SLC35A4: variants seen among roughly 807,000 people sequenced by gnomAD.
SLC35A4 encodes probable UDP-sugar transporter protein SLC35A4.
In SLC35A4, 9 loss-of-function variants were observed where a neutral mutation model predicts 18.8. That is an observed-to-expected ratio of 0.48 (90% CI 0.29 to 0.83). The LOEUF (loss-of-function observed/expected upper bound fraction) is 0.83. Among genes scored for constraint, SLC35A4 ranks in the 40% least tolerant of loss-of-function variants. SLC35A4 has a pLI of 0.09. For missense variants in SLC35A4, 404 were observed against 415.5 expected (o/e 0.97, Z 0.24); for synonymous variants, 189 against 191.9 (o/e 0.98, Z 0.13).
Position 140,567,363 on chromosome 5 carries a change from G to A in SLC35A4, c.194G>A (p.Cys65Tyr). The part of the protein sequence containing the change: ...LLTELTKLLL[C>Y]AFSLLVGWQA... ...ACTGAGCTGACCAAGCTACTGTTAT[G>A]CGCCTTCTCCCTTCTGGTAGGCTGG... The change falls in exon 3 of 3, where the codon TGC becomes TAC. Residue 65 changes from cysteine to tyrosine, a missense_variant. Coordinates refer to ENST00000323146, the MANE Select transcript of SLC35A4 (RefSeq NM_080670.4). The A allele has an allele frequency of 6.2e-7, 1 of 1,614,196 alleles. No homozygotes were observed. Among genetic ancestry groups the A allele is most frequent in the Non-Finnish European group, 8.5e-7 (1 of 1,180,010 alleles).
At chr5:140,565,006 G>A in intron 1 of SLC35A4, 148 bp downstream of exon 1, 1 of 399,040 alleles carries the variant, frequency 2.5e-6, no homozygotes, top group Non-Finnish European at 4.4e-6. Flanking sequence ...CCTCAACAGT[G>A]TGGAGTGGTG....
chr5:140,567,111 T>A lies in SLC35A4; in HGVS notation c.-59T>A. On this transcript the variant is annotated 5_prime_UTR_variant, in exon 3 of 3. Transcript: ENST00000323146. ...CTGGGAGCTGGCTCCATAACTTGAT[T>A]TTCCCCAAACGTGTTGCAATCCCTG... is the stretch of plus-strand genomic sequence containing the variant. 6.2e-7 allele frequency: 1 copy of A among 1,613,128 alleles called. No homozygotes were observed. Among genetic ancestry groups the A allele is most frequent in the Non-Finnish European group, 8.5e-7 (1 of 1,179,934 alleles).
At position 140,567,303 on chromosome 5, in the gene SLC35A4, G is replaced by A. The variant is rs61745336; in HGVS notation, c.134G>A (p.Arg45Gln). Residue 45 changes from arginine to glutamine, a missense_variant, in exon 3 of 3, where the codon CGA (arginine) becomes CAA (glutamine). Physicochemically the swap from Arg to Gln is conservative, Grantham distance 43. Transcript: ENST00000323146. ...CTGGCACTGTGCCATGTGGACGGCC[G>A]AGTGCCCTTCCGGCCCTCCTCAGCC... is the stretch of plus-strand genomic sequence containing the variant. ...PLLALCHVDG[R>Q]VPFRPSSAVL... 11,382 of 1,614,140 alleles carry A rather than the reference G, an allele frequency of 7.1e-3. 640 individuals carry two copies. The African/African-American group carries it at 0.12, about 18-fold the overall frequency.
rs1243178490 is a variant in SLC35A4 at position 140,567,054 on chromosome 5, T to G, written c.-116T>G. ...GGTAGATGCCTCTGATCCTCAGTAT[T>G]CTCTCTGGCAATGTTCCACGGCTTC... On this transcript the variant is annotated 5_prime_UTR_variant, in exon 3 of 3. The change creates a new upstream start codon in the 5' untranslated region. Coordinates refer to ENST00000323146, the MANE Select transcript of SLC35A4 (RefSeq NM_080670.4). 1.3e-6 allele frequency: 2 copies of G among 1,519,412 alleles called. No individual in the cohort carries two copies. The highest frequency in any genetic ancestry group is 1.8e-6 in the Non-Finnish European group (2 of 1,104,926). 94.1% of individuals were successfully genotyped at this position (1,519,412 alleles called of 1,614,324 possible).
intron 2 of SLC35A4, among the ~76,000 whole-genome samples, 166 bp downstream of exon 2, chr5:140,566,137 G>T (rs1245427831): frequency 6.6e-6 from 1 of 152,212 alleles, no homozygotes; most frequent in East Asian, 1.9e-4. Flanking sequence ...AATATCTTAA[G>T]TAGTGGTTAA....
Position 140,568,162 on chromosome 5 carries a change from C to G in SLC35A4, c.*18C>G, listed in dbSNP as rs201868697. 2 of 1,613,728 alleles carry G rather than the reference C, an allele frequency of 1.2e-6. No individual in the cohort carries two copies. On this transcript the variant is annotated 3_prime_UTR_variant, in exon 3 of 3. Transcript: ENST00000323146. The stretch of plus-strand genomic sequence containing the variant: ...GCCGCTAGTCCCTGACAACTTCCAC[C>G]CTGATTCCGGACCCTGTAGATTGGG...
Position 140,567,715 on chromosome 5 carries a change from G to C in SLC35A4, c.546G>C (p.Leu182=). 6.2e-7 allele frequency: 1 copy of C among 1,614,126 alleles called. No homozygotes were observed. The highest frequency in any genetic ancestry group is 8.5e-7 in the Non-Finnish European group (1 of 1,180,048). The change falls in exon 3 of 3, where the codon CTG becomes CTC. Residue 182 remains leucine (L), a synonymous_variant. Transcript: ENST00000323146. ...PPAAAASPMP[L]HITPLGLLLL... ...CAGCTGCTGCCAGCCCCATGCCCCT[G>C]CATATCACTCCGCTAGGCCTGCTGC...
chr5:140,566,662 G>T lies in SLC35A4; in HGVS notation c.-508G>T. The T allele has an allele frequency of 2.0e-6, 1 of 491,244 alleles. No individual in the cohort carries two copies. The highest frequency in any genetic ancestry group is 3.6e-6 in the Non-Finnish European group (1 of 279,364). The allele number at this position is 491,244 out of a possible 1,614,324, so 30.4% of individuals were successfully genotyped here. On this transcript the variant is annotated 5_prime_UTR_variant, in exon 3 of 3. Coordinates refer to ENST00000323146, the MANE Select transcript of SLC35A4 (RefSeq NM_080670.4). ...TCAGCAGTATTGGGCTTTGCTGTGG[G>T]CACCTGCACTGGCATCTATGCGGCT...
chr5:140,567,503 C>T lies in SLC35A4; in HGVS notation c.334C>T (p.Pro112Ser). 20 of 1,614,190 alleles carry T rather than the reference C, an allele frequency of 1.2e-5. No homozygotes were observed. Among genetic ancestry groups the T allele is most frequent in the Non-Finnish European group, 1.6e-5 (19 of 1,180,044 alleles). Reference sequence around the variant, plus strand: ...GATCTATCTTCAGCGTTACATGGACCCCAGCACCTACCAGGTGCTGAGTAA... The same window carrying T: ...GATCTATCTTCAGCGTTACATGGACTCCAGCACCTACCAGGTGCTGAGTAA... ...LVIYLQRYMDPSTYQVLSNLK... is the reference protein window; with the variant it reads ...LVIYLQRYMDSSTYQVLSNLK... Residue 112 changes from proline (P) to serine (S), a missense_variant, in exon 3 of 3, where the codon CCC (proline) becomes TCC (serine). Physicochemically the swap from Pro to Ser is moderately conservative, Grantham distance 74. Coordinates refer to ENST00000323146, the MANE Select transcript of SLC35A4 (RefSeq NM_080670.4).
Position 140,567,242 on chromosome 5 carries a change from C to T in SLC35A4, c.73C>T (p.Leu25=). The change falls in exon 3 of 3, where the codon CTA becomes TTA. Residue 25 remains leucine, a synonymous_variant. Transcript: ENST00000323146. Reference sequence around the variant, plus strand: ...GGCCCGCTGGACCCTGATGCTACTCCTATCCACTGCCATGTACGGTGCCCA... The same window carrying T: ...GGCCCGCTGGACCCTGATGCTACTCTTATCCACTGCCATGTACGGTGCCCA... The part of the protein sequence containing the change: ...RQARWTLMLL[L]STAMYGAHAP... 1 of 1,614,238 alleles carries T rather than the reference C, an allele frequency of 6.2e-7. No individual in the cohort carries two copies. The highest frequency in any genetic ancestry group is 8.5e-7 in the Non-Finnish European group (1 of 1,180,034).
In SLC35A4 at chr5:140,567,939, T is replaced by C. The variant is rs372032838; in HGVS notation, c.770T>C (p.Val257Ala). ...TTCTCAGGATGGGCAGCACTCGTGG[T>C]GCTGAGCCAGGCACTAAATGGACTG... ...EGFSGWAALVVLSQALNGLLM... is the reference protein window; with the variant it reads ...EGFSGWAALVALSQALNGLLM... Residue 257 changes from valine (V) to alanine (A), a missense_variant, in exon 3 of 3, where the codon GTG (valine) becomes GCG (alanine). Coordinates refer to ENST00000323146, the MANE Select transcript of SLC35A4 (RefSeq NM_080670.4). The C allele has an allele frequency of 6.2e-7, 1 of 1,614,072 alleles. No homozygotes were observed. Among genetic ancestry groups the C allele is most frequent in the African/African-American group, 1.3e-5 (1 of 74,940 alleles).
In SLC35A4 at chr5:140,565,953, C is replaced by A; in HGVS notation, c.-624C>A. 2.5e-6 allele frequency: 1 copy of A among 398,866 alleles called. No homozygotes were observed. The highest frequency in any genetic ancestry group is 4.4e-6 in the Non-Finnish European group (1 of 226,050). 24.7% of individuals were successfully genotyped at this position (398,866 alleles called of 1,614,324 possible). ...TGCAGCGGCGTGTAGAAGACGAAGT[C>A]AACAGTGGAGTGGGCCAGGTAAGGA... On this transcript the variant is annotated 5_prime_UTR_variant, in exon 2 of 3. Coordinates refer to ENST00000323146, the MANE Select transcript of SLC35A4 (RefSeq NM_080670.4).
chr5:140,567,544 C>T lies in SLC35A4; in HGVS notation c.375C>T (p.Ser125=). The change falls in exon 3 of 3, where the codon AGC becomes AGT. Residue 125 remains serine (S), a synonymous_variant. Transcript: ENST00000323146. ...TGCTGAGTAATCTCAAGATTGGAAGCACAGCTGTGCTCTACTGCCTCTGCC... is the reference window on the plus strand; with the variant it reads ...TGCTGAGTAATCTCAAGATTGGAAGTACAGCTGTGCTCTACTGCCTCTGCC... ...YQVLSNLKIG[S]TAVLYCLCLR... The T allele has an allele frequency of 6.2e-7, 1 of 1,614,188 alleles. No individual in the cohort carries two copies.
Position 140,566,795 on chromosome 5 carries a change from G to C in SLC35A4, c.-375G>C, listed in dbSNP as rs1343680421. 3 of 600,062 alleles carry C rather than the reference G, an allele frequency of 5.0e-6. No individual in the cohort carries two copies. The highest frequency in any genetic ancestry group is 8.9e-6 in the Non-Finnish European group (3 of 336,844). 37.2% of individuals were successfully genotyped at this position (600,062 alleles called of 1,614,324 possible). On this transcript the variant is annotated 5_prime_UTR_variant, in exon 3 of 3. Transcript: ENST00000323146. ...TGCCATGGAAGAGGCAGGATGAGCA[G>C]CTCAGCCTTCAGGTGGAGACACTTT...
chr5:140,567,585 C>G lies in SLC35A4; in HGVS notation c.416C>G (p.Ser139Cys). The change falls in exon 3 of 3, where the codon TCT becomes TGT. Residue 139 changes from serine (S) to cysteine (C), a missense_variant. Ser to Cys is a moderately radical substitution (Grantham distance 112, BLOSUM62 -1). Coordinates refer to ENST00000323146, the MANE Select transcript of SLC35A4 (RefSeq NM_080670.4). ...LYCLCLRHRL[S>C]VRQGLALLLL... is the part of the protein sequence containing the mutation. ...TGCCTCTGCCTCCGGCACCGCCTCT[C>G]TGTGCGTCAGGGGTTAGCGCTGCTG... is the stretch of plus-strand genomic sequence containing the variant. 1.2e-6 allele frequency: 2 copies of G among 1,614,252 alleles called. No homozygotes were observed. Among genetic ancestry groups the G allele is most frequent in the Non-Finnish European group, 1.7e-6 (2 of 1,180,046 alleles).
chr5:140,567,396 G>T lies in SLC35A4; in HGVS notation c.227G>T (p.Trp76Leu), dbSNP rs765526659. 2 of 1,614,168 alleles carry T rather than the reference G, an allele frequency of 1.2e-6. No homozygotes were observed. The highest frequency in any genetic ancestry group is 3.3e-5 in the Admixed American group (2 of 60,034). The change falls in exon 3 of 3, where the codon TGG (tryptophan) becomes TTG (leucine). Residue 76 changes from tryptophan (W) to leucine (L), a missense_variant. Transcript: ENST00000323146. Reference protein sequence around the residue: ...AFSLLVGWQAWPQGPPPWRQA... With the variant: ...AFSLLVGWQALPQGPPPWRQA... ...TCCCTTCTGGTAGGCTGGCAAGCAT[G>T]GCCCCAGGGGCCCCCACCCTGGCGC...
intron 2 of SLC35A4, among the ~76,000 whole-genome samples, chr5:140,566,330 G>A (rs946377822): frequency 1.3e-5 from 2 of 152,354 alleles, no homozygotes; most frequent in East Asian, 3.9e-4. Context: ...CTGACCTTGT[G>A]TGGCGGTGGA....
Position 140,567,736 on chromosome 5 carries a change from G to A in SLC35A4, c.567G>A (p.Leu189=). Residue 189 remains leucine, a synonymous_variant, in exon 3 of 3, where the codon CTG becomes CTA. Transcript: ENST00000323146. ...CCCTGCATATCACTCCGCTAGGCCT[G>A]CTGCTCCTCATTCTGTACTGCCTCA... ...PMPLHITPLG[L]LLLILYCLIS... 6.2e-7 allele frequency: 1 copy of A among 1,614,146 alleles called. No homozygotes were observed. Among genetic ancestry groups the A allele is most frequent in the Non-Finnish European group, 8.5e-7 (1 of 1,180,042 alleles).
chr5:140,567,692 G>T lies in SLC35A4; in HGVS notation c.523G>T (p.Ala175Ser). Residue 175 changes from alanine to serine, a missense_variant, in exon 3 of 3, where the codon GCT becomes TCT. By Grantham distance (99) the Ala-to-Ser change is moderately conservative. Coordinates refer to ENST00000323146, the MANE Select transcript of SLC35A4 (RefSeq NM_080670.4). ...CACCCTTCCCAGTCCCCCTCCAGCA[G>T]CTGCTGCCAGCCCCATGCCCCTGCA... is the stretch of plus-strand genomic sequence containing the variant. ...GNTLPSPPPA[A>S]AASPMPLHIT... The T allele has an allele frequency of 6.2e-7, 1 of 1,614,010 alleles. No individual in the cohort carries two copies. Among genetic ancestry groups the T allele is most frequent in the East Asian group, 2.2e-5 (1 of 44,866 alleles).
Sources: allele counts gnomAD v4.1 joint callset (sites outside exome capture counted in the v4.1 genomes callset), GRCh38; gene constraint gnomAD v4.1.1; transcripts MANE v1.5; gene names NCBI Gene and HGNC (gene_info 2026-07-23, HGNC 2026-07-21).